Variants in PHACTR1 observed in about 807,000 individuals in gnomAD.
The protein encoded by PHACTR1 is phosphatase and actin regulator 1.
In PHACTR1, 16 loss-of-function variants were observed where a neutral mutation model predicts 69.2. That is an observed-to-expected ratio of 0.23 (90% confidence interval 0.16 to 0.35). The LOEUF is 0.35. Ranked by LOEUF, PHACTR1 falls within the 10% of genes least tolerant of loss-of-function variation. The pLI, the probability that PHACTR1 is intolerant of heterozygous loss-of-function variation, is 1.00. For synonymous variants in PHACTR1, 312 were observed against 284.5 expected, an observed-to-expected ratio of 1.10 and a Z score of -0.97; for missense variants, 510 against 734.7, an observed-to-expected ratio of 0.69 and a Z score of 3.54.
chr6:13,151,262 C>G (rs1824263679), intron 5 of PHACTR1, among the ~76,000 whole-genome samples: 2 of 152,162 alleles, frequency 1.3e-5, no homozygotes, highest in African/African-American at 4.8e-5. Flanking sequence ...ATAGATTGTC[C>G]TGGAGAGAAA....
At chr6:12,894,648 C>A (rs1319488526) in intron 4 of PHACTR1, among the ~76,000 whole-genome samples, 2 of 152,082 alleles carry the variant, frequency 1.3e-5, no homozygotes, top group Non-Finnish European at 2.9e-5. Context: ...TCTGCCCAGC[C>A]ATGCTGTCAC....
intron 5 of PHACTR1, among the ~76,000 whole-genome samples, chr6:13,093,187 G>A (rs1428925492): frequency 6.6e-6 from 1 of 152,076 alleles, no homozygotes; most frequent in Non-Finnish European, 1.5e-5. Context: ...CTGATATTAG[G>A]TTTTATGAAC....
rs904090507 is a variant in PHACTR1, at chr6:13,131,876, G to A, written c.416-28328G>A. 2.6e-5 allele frequency among the ~76,000 whole-genome samples: 4 copies of A among 152,244 alleles called. No individual in the cohort carries two copies. In the East Asian group the frequency reaches 7.7e-4, roughly 29 times the overall value. ...CCTTTCCTGTTATTTTATTAATGTA[G>A]AAAGGGAATTCACAAAGCTGGAAGT... On this transcript the variant is annotated intron_variant, in intron 5 of 14. Coordinates refer to ENST00000332995, the MANE Select transcript of PHACTR1 (RefSeq NM_030948.6).
chr6:13,232,103 G>T (rs1484118405), intron 10 of PHACTR1, among the ~76,000 whole-genome samples: 1 of 152,206 alleles, frequency 6.6e-6, no homozygotes, highest in African/African-American at 2.4e-5. Flanking sequence ...ATATGTAAAA[G>T]AGTGAGTTGT....
At chr6:12,865,280 T>C (rs571245925) in intron 4 of PHACTR1, among the ~76,000 whole-genome samples, 38 of 152,306 alleles carry the variant, frequency 2.5e-4, no homozygotes, top group African/African-American at 8.9e-4. Context: ...ACTGACATCT[T>C]GACAGCACTG....
chr6:12,917,194 C>T (rs780860377), intron 4 of PHACTR1, among the ~76,000 whole-genome samples: 17 of 152,154 alleles, frequency 1.1e-4, no homozygotes, highest in Admixed American at 5.9e-4. Context: ...TCAAGTTGTA[C>T]ACCAGTTTAT....
intron 4 of PHACTR1, among the ~76,000 whole-genome samples, chr6:13,043,970 G>A (rs1804616003): frequency 6.6e-6 from 1 of 152,186 alleles, no homozygotes; most frequent in Non-Finnish European, 1.5e-5. Context: ...ATATGTGTTA[G>A]TGGTTGAAGG....
rs544933412 is a variant in PHACTR1 at position 13,204,260 on chromosome 6, A to G, written c.665-1555A>G. ...ACGTAATCAGATTTGTGCTCTAGGA[A>G]TGTCATTTTGGCAGGACTGTAAGTT... On this transcript the variant is annotated intron_variant, in intron 7 of 14. Transcript: ENST00000332995. Among the ~76,000 whole-genome samples the G allele has an allele frequency of 3.9e-5, 6 of 152,206 alleles. No individual in the cohort carries two copies. In the South Asian group the frequency reaches 1.2e-3, roughly 32 times the overall value.
intron 5 of PHACTR1, among the ~76,000 whole-genome samples, chr6:13,065,513 G>T (rs73368145): frequency 6.6e-6 from 1 of 152,078 alleles, no homozygotes; most frequent in South Asian, 2.1e-4. Context: ...GGGAAGCCAC[G>T]TAGCTGGGAT....
At chr6:12,717,799 C>G (rs939074181) in intron 2 of PHACTR1, 56 bp downstream of exon 2, 1 of 152,094 alleles carries the variant, frequency 6.6e-6, no homozygotes, top group Middle Eastern at 3.4e-3. Flanking sequence ...TTTGTCTTAC[C>G]GGACTTGGTT....
intron 4 of PHACTR1, among the ~76,000 whole-genome samples, chr6:12,973,699 C>T (rs1369876274): frequency 3.3e-5 from 5 of 152,038 alleles, no homozygotes; most frequent in African/African-American, 9.7e-5. Context: ...TGTAAATTGT[C>T]AATGTCAAGG....
intron 4 of PHACTR1, among the ~76,000 whole-genome samples, chr6:12,899,776 G>A (rs1785009135): frequency 6.6e-6 from 1 of 152,224 alleles, no homozygotes; most frequent in Admixed American, 6.5e-5. Flanking sequence ...GAAAGTGTAT[G>A]ACATTACGAT....
chr6:13,047,017 G>C (rs1049951360), intron 4 of PHACTR1, among the ~76,000 whole-genome samples: 1 of 152,082 alleles, frequency 6.6e-6, no homozygotes, highest in African/African-American at 2.4e-5. Flanking sequence ...GAAAGTGACA[G>C]TACATTTATA....
At chr6:13,159,407 G>A (rs970336257) in intron 5 of PHACTR1, among the ~76,000 whole-genome samples, 2 of 152,194 alleles carry the variant, frequency 1.3e-5, no homozygotes. Flanking sequence ...TAGTTGGAAA[G>A]CAACAGAATC....
At chr6:12,908,375 A>G (rs76674032) in intron 4 of PHACTR1, among the ~76,000 whole-genome samples, 2,439 of 152,332 alleles carry the variant, frequency 0.016, 77 homozygotes, top group African/African-American at 0.055. Flanking sequence ...TAGATGAAGC[A>G]GTGAGCTCAG....
chr6:12,752,381 A>G (rs994672913), intron 4 of PHACTR1, among the ~76,000 whole-genome samples: 3 of 152,220 alleles, frequency 2.0e-5, no homozygotes, highest in East Asian at 3.8e-4. Flanking sequence ...AATTTTGTTT[A>G]TGTCTTAACC....
At chr6:12,967,578 C>T (rs2127576674) in intron 4 of PHACTR1, among the ~76,000 whole-genome samples, 1 of 152,334 alleles carries the variant, frequency 6.6e-6, no homozygotes, top group African/African-American at 2.4e-5. Flanking sequence ...TCAACTGTAA[C>T]TCTTAGGTGA....
chr6:13,044,186 C>T (rs1441330838), intron 4 of PHACTR1, among the ~76,000 whole-genome samples: 2 of 152,068 alleles, frequency 1.3e-5, no homozygotes, highest in Non-Finnish European at 2.9e-5. Context: ...CTCTTCATTG[C>T]CCTGTGTTCA....
intron 10 of PHACTR1, among the ~76,000 whole-genome samples, chr6:13,261,027 C>A (rs1241416189): frequency 6.6e-6 from 1 of 152,192 alleles, no homozygotes; most frequent in African/African-American, 2.4e-5. Flanking sequence ...ATGCCAACAG[C>A]ACCCTCTCAA....
Sources: allele counts gnomAD v4.1 joint callset (sites outside exome capture counted in the v4.1 genomes callset), GRCh38; gene constraint gnomAD v4.1.1; transcripts MANE v1.5; gene names NCBI Gene and HGNC (gene_info 2026-07-23, HGNC 2026-07-21).